TANK: variants seen among roughly 807,000 people sequenced by gnomAD.
The protein encoded by TANK is TRAF family member associated NFKB activator.
Under a neutral mutation model 43.6 loss-of-function variants are expected in TANK, and 15 were observed. The observed-to-expected ratio is 0.34, with a 90% CI of 0.23 to 0.53. The LOEUF (loss-of-function observed/expected upper bound fraction) is 0.53. Among genes scored for constraint, TANK ranks in the 20% least tolerant of loss-of-function variants. The pLI is 0.94. For synonymous variants in TANK, 162 were observed against 178.2 expected (o/e 0.91, Z 0.73); for missense variants, 417 against 498.6 (o/e 0.84, Z 1.56).
chr2:161,182,039 AGAG>A (rs936065648), intron 2 of TANK, among the ~76,000 whole-genome samples: 3 of 152,264 alleles, frequency 2.0e-5, no homozygotes, highest in East Asian at 3.9e-4. Context: ...ACAACATAGA[AGAG>A]GAGAACAGGA....
chr2:161,137,648 C>T (rs901456441), intron 1 of TANK, among the ~76,000 whole-genome samples: 5 of 151,990 alleles, frequency 3.3e-5, no homozygotes, highest in African/African-American at 7.3e-5. Flanking sequence ...TTTTAAAAAT[C>T]GATCCTGGCC....
intron 2 of TANK, among the ~76,000 whole-genome samples, chr2:161,186,268 A>G (rs1574003285): frequency 1.3e-5 from 2 of 152,220 alleles, no homozygotes. Flanking sequence ...CAGTCCATTT[A>G]TCTCCTACCA....
Position 161,213,077 on chromosome 2 carries a change from CAG to C in TANK, c.327+8285_327+8286del, listed in dbSNP as rs1574046051. Among the ~76,000 whole-genome samples the C allele has an allele frequency of 2.0e-5, 3 of 152,218 alleles. No homozygotes were observed. The South Asian group carries it at 6.2e-4, about 32-fold the overall frequency. On this transcript the variant is annotated intron_variant, in intron 4 of 7. Coordinates refer to ENST00000392749, the MANE Select transcript of TANK (RefSeq NM_001199135.3). The stretch of plus-strand genomic sequence containing the variant: ...GACTCTTTTTAACAACCAGTTTTCT[CAG>C]GGGCTAAAAGAGTAAGAACTCACTC...
chr2:161,196,607 C>G (rs756813119), intron 2 of TANK, among the ~76,000 whole-genome samples: 3 of 152,140 alleles, frequency 2.0e-5, no homozygotes, highest in Non-Finnish European at 4.4e-5. Context: ...GTAATCCCAG[C>G]ACTATGGCAG....
chr2:161,183,071 T>G (rs1202329888), intron 2 of TANK, among the ~76,000 whole-genome samples: 4 of 152,174 alleles, frequency 2.6e-5, no homozygotes. Flanking sequence ...CAGCTAGCCA[T>G]GCAATTATTA....
At chr2:161,149,048 G>A (rs183133706) in intron 1 of TANK, among the ~76,000 whole-genome samples, 19 of 152,226 alleles carry the variant, frequency 1.2e-4, no homozygotes, top group Admixed American at 1.1e-3. Flanking sequence ...AATTTCAATA[G>A]CAATTGCATT....
intron 1 of TANK, among the ~76,000 whole-genome samples, chr2:161,166,138 C>T (rs1242128249): frequency 6.6e-6 from 1 of 152,188 alleles, no homozygotes; most frequent in Non-Finnish European, 1.5e-5. Context: ...TGGGTTTAAC[C>T]AGTGAGACTG....
chr2:161,150,909 T>C (rs1436791796), intron 1 of TANK, among the ~76,000 whole-genome samples: 1 of 152,178 alleles, frequency 6.6e-6, no homozygotes, highest in Non-Finnish European at 1.5e-5. Flanking sequence ...TTTTTTAATA[T>C]GAACATTTAC....
chr2:161,217,585 TTGTGTGTGTGTGTG>T (rs375688309), intron 4 of TANK, among the ~76,000 whole-genome samples: 45 of 136,644 alleles, frequency 3.3e-4, no homozygotes, highest in South Asian at 1.5e-3. Flanking sequence ...GGTAGTTGGT[TTGTGTGTGTGTGTG>T]TGTGTGTGTG....
At chr2:161,145,178 T>C (rs1683874079) in intron 1 of TANK, among the ~76,000 whole-genome samples, 1 of 105,316 alleles carries the variant, frequency 9.5e-6, no homozygotes, top group African/African-American at 3.5e-5. Flanking sequence ...ATTTGCTTGG[T>C]AAATGTTCCT....
At chr2:161,140,835 G>T (rs961777752) in intron 1 of TANK, among the ~76,000 whole-genome samples, 13 of 151,520 alleles carry the variant, frequency 8.6e-5, no homozygotes, top group African/African-American at 3.2e-4. Flanking sequence ...TGAATAGTCT[G>T]TCTTTTTTAA....
At chr2:161,216,516 A>G in intron 4 of TANK, 1 of 426,070 alleles carries the variant, frequency 2.3e-6, no homozygotes, top group South Asian at 1.7e-5. Context: ...CTTTTTGATA[A>G]ATGTTCATTC....
chr2:161,138,635 G>A (rs1432871842), intron 1 of TANK, among the ~76,000 whole-genome samples: 3 of 152,172 alleles, frequency 2.0e-5, no homozygotes, highest in Non-Finnish European at 4.4e-5. Flanking sequence ...GGAAGAAGAT[G>A]TGGGGTTGTA....
chr2:161,222,030 A>G (rs2105380030), intron 4 of TANK, among the ~76,000 whole-genome samples: 1 of 152,206 alleles, frequency 6.6e-6, no homozygotes, highest in East Asian at 1.9e-4. Flanking sequence ...GTAAGTTAGC[A>G]TCAATTATTT....
chr2:161,208,141 G>A (rs1364867116), intron 4 of TANK: 2 of 984,362 alleles, frequency 2.0e-6, no homozygotes, highest in Admixed American at 6.2e-5. Context: ...TTGTCAGGAT[G>A]TTTGAGAAGG....
At position 161,233,424 on chromosome 2, in the gene TANK, A is replaced by T. The variant is rs1376430231; in HGVS notation, c.1101+1873A>T. 7.2e-5 allele frequency among the ~76,000 whole-genome samples: 11 copies of T among 152,118 alleles called. No homozygotes were observed. In the Middle Eastern group the frequency reaches 0.01, roughly 141 times the overall value. On this transcript the variant is annotated intron_variant, in intron 7 of 7. Transcript: ENST00000392749. ...AATAATAATAATAATTTTTTTTTTA[A>T]AAAAATCCTGAGTTGTTTGTAGATA...
chr2:161,164,300 C>G (rs1684575118), intron 1 of TANK, among the ~76,000 whole-genome samples: 1 of 152,132 alleles, frequency 6.6e-6, no homozygotes, highest in Non-Finnish European at 1.5e-5. Flanking sequence ...TAAAATATTA[C>G]TGTTTAATTG....
chr2:161,157,842 C>T (rs1684266020), upstream of TANK, among the ~76,000 whole-genome samples: 1 of 152,110 alleles, frequency 6.6e-6, no homozygotes, highest in Non-Finnish European at 1.5e-5. Context: ...CACCACCAAA[C>T]CTGGCTAATT....
At chr2:161,163,705 G>C (rs1448684485) in intron 1 of TANK, among the ~76,000 whole-genome samples, 1 of 152,102 alleles carries the variant, frequency 6.6e-6, no homozygotes, top group Non-Finnish European at 1.5e-5. Context: ...TCCTACAGAG[G>C]GTTTCAAAAT....
Sources: allele counts gnomAD v4.1 joint callset (sites outside exome capture counted in the v4.1 genomes callset), GRCh38; gene constraint gnomAD v4.1.1; transcripts MANE v1.5; gene names NCBI Gene and HGNC (gene_info 2026-07-23, HGNC 2026-07-21).